Variants in GALNT7 observed in about 807,000 individuals in gnomAD.
GALNT7 encodes the protein polypeptide N-acetylgalactosaminyltransferase 7, also known as N-acetylgalactosaminyltransferase 7.
Under a neutral mutation model 82.1 loss-of-function variants are expected in GALNT7, and 60 were observed. The observed-to-expected ratio is 0.73, with a 90% CI of 0.59 to 0.91. GALNT7 has a LOEUF of 0.91. Among genes scored for constraint, GALNT7 ranks in the 40% least tolerant of loss-of-function variants. GALNT7 has a pLI of 0.00. For missense variants in GALNT7, 660 were observed against 804.2 expected, an observed-to-expected ratio of 0.82 and a Z score of 2.17; for synonymous variants, 243 against 275.1, an observed-to-expected ratio of 0.88 and a Z score of 1.15.
chr4:173,187,461 C>T (rs1732496197), intron 1 of GALNT7, among the ~76,000 whole-genome samples: 1 of 150,968 alleles, frequency 6.6e-6, no homozygotes, highest in South Asian at 2.1e-4. Context: ...AATTTTTTCA[C>T]CTGCCCTTGA....
At chr4:173,198,987 A>T (rs1167680074) in intron 1 of GALNT7, among the ~76,000 whole-genome samples, 3 of 152,226 alleles carry the variant, frequency 2.0e-5, no homozygotes, top group Non-Finnish European at 4.4e-5. Context: ...GGAGGGTAGA[A>T]CCTTCTAGGC....
intron 2 of GALNT7, among the ~76,000 whole-genome samples, chr4:173,262,068 T>C (rs1735290081): frequency 6.6e-6 from 1 of 152,212 alleles, no homozygotes; most frequent in Non-Finnish European, 1.5e-5. Flanking sequence ...AGAAGATAAC[T>C]GAATTCCAAC....
rs1472866520 is a variant in GALNT7, at chr4:173,285,054, CAT to C, written c.588-7052_588-7051del. ...TGAATTTAGTCAATATGTTCACACA[CAT>C]AGTTTCCTTTGCAAGATTAATATTT... is the stretch of plus-strand genomic sequence containing the variant. On this transcript the variant is annotated intron_variant, in intron 2 of 11. Transcript: ENST00000265000. Among the ~76,000 whole-genome samples, 8 of 152,186 alleles carry C rather than the reference CAT, an allele frequency of 5.3e-5. No individual in the cohort carries two copies. The South Asian group carries it at 6.2e-4, about 12-fold the overall frequency.
chr4:173,194,902 C>A (rs1732733275), intron 1 of GALNT7, among the ~76,000 whole-genome samples: 1 of 152,134 alleles, frequency 6.6e-6, no homozygotes, highest in Admixed American at 6.5e-5. Flanking sequence ...AATGTCCTCT[C>A]CACTTTTTGC....
intron 1 of GALNT7, among the ~76,000 whole-genome samples, chr4:173,231,168 C>T (rs1312122366): frequency 6.6e-6 from 1 of 152,102 alleles, no homozygotes; most frequent in African/African-American, 2.4e-5. Context: ...CTTTATTTCA[C>T]AAGCTGTCAG....
intron 1 of GALNT7, among the ~76,000 whole-genome samples, chr4:173,177,694 T>C (rs1232009591): frequency 6.6e-6 from 1 of 152,110 alleles, no homozygotes; most frequent in Non-Finnish European, 1.5e-5. Context: ...GAGAACTGAT[T>C]AGAATGAAAG....
intron 3 of GALNT7, among the ~76,000 whole-genome samples, chr4:173,294,933 G>A (rs1736665407): frequency 6.6e-6 from 1 of 152,034 alleles, no homozygotes; most frequent in Admixed American, 6.6e-5. Context: ...ATTGTGGTTG[G>A]GGAAAGATGT....
At chr4:173,215,657 A>G (rs1465804935) in intron 1 of GALNT7, among the ~76,000 whole-genome samples, 1 of 152,196 alleles carries the variant, frequency 6.6e-6, no homozygotes, top group Non-Finnish European at 1.5e-5. Context: ...AGGATGTGGA[A>G]TTTCATCAGG....
chr4:173,216,211 T>G (rs1733452600), intron 1 of GALNT7, among the ~76,000 whole-genome samples: 3 of 152,236 alleles, frequency 2.0e-5, no homozygotes. Flanking sequence ...CCTTTTCTCT[T>G]TTAATATTGT....
chr4:173,315,187 C>T (rs775310322), intron 9 of GALNT7, among the ~76,000 whole-genome samples: 2 of 152,080 alleles, frequency 1.3e-5, no homozygotes, highest in Admixed American at 6.5e-5. Context: ...TGACCAACTG[C>T]GGAAGCATAG....
At chr4:173,298,359 T>G in intron 6 of GALNT7, 62 bp downstream of exon 6, 3 of 1,082,142 alleles carry the variant, frequency 2.8e-6, no homozygotes, top group Non-Finnish European at 4.0e-6. Context: ...TATTAACCTC[T>G]TGCCAAGCTA....
intron 1 of GALNT7, among the ~76,000 whole-genome samples, chr4:173,212,414 G>A (rs1394722225): frequency 1.3e-5 from 2 of 152,046 alleles, no homozygotes; most frequent in Non-Finnish European, 2.9e-5. Context: ...GCATTTTAAA[G>A]GTCCAAAACG....
At chr4:173,277,520 A>C (rs567120008) in intron 2 of GALNT7, among the ~76,000 whole-genome samples, 1 of 152,254 alleles carries the variant, frequency 6.6e-6, no homozygotes, top group East Asian at 1.9e-4. Context: ...ACAGGTGTGC[A>C]CTCTGAGTCC....
At chr4:173,263,504 C>T (rs1310105082) in intron 2 of GALNT7, among the ~76,000 whole-genome samples, 5 of 151,936 alleles carry the variant, frequency 3.3e-5, no homozygotes, top group African/African-American at 9.7e-5. Flanking sequence ...CATAGATGGC[C>T]GGATAGTATG....
intron 1 of GALNT7, among the ~76,000 whole-genome samples, chr4:173,240,514 A>T (rs1734393202): frequency 6.6e-6 from 1 of 151,954 alleles, no homozygotes; most frequent in East Asian, 1.9e-4. Context: ...GATTACAGGC[A>T]TGTGTCACCA....
chr4:173,238,269 G>A (rs778592918), intron 1 of GALNT7, among the ~76,000 whole-genome samples: 2 of 151,882 alleles, frequency 1.3e-5, no homozygotes, highest in African/African-American at 4.8e-5. Context: ...TAGGAATAAT[G>A]TGGTAAGATA....
intron 1 of GALNT7, among the ~76,000 whole-genome samples, chr4:173,197,960 G>A (rs1453202976): frequency 6.6e-6 from 1 of 152,202 alleles, no homozygotes; most frequent in Non-Finnish European, 1.5e-5. Context: ...TGCCATGAGG[G>A]TTAGGGAGGC....
intron 1 of GALNT7, among the ~76,000 whole-genome samples, chr4:173,209,988 C>T (rs1268782208): frequency 1.3e-5 from 2 of 151,976 alleles, no homozygotes; most frequent in African/African-American, 2.4e-5. Context: ...CAAAAATTAG[C>T]TGGGGGTAGA....
At chr4:173,224,816 T>G (rs1241152804) in intron 1 of GALNT7, among the ~76,000 whole-genome samples, 1 of 151,460 alleles carries the variant, frequency 6.6e-6, no homozygotes. Context: ...ATCCAGACCA[T>G]CCTGGCTAAC....
Sources: allele counts gnomAD v4.1 joint callset (sites outside exome capture counted in the v4.1 genomes callset), GRCh38; gene constraint gnomAD v4.1.1; transcripts MANE v1.5; gene names NCBI Gene and HGNC (gene_info 2026-07-23, HGNC 2026-07-21).